CDH6: variants seen among roughly 807,000 people sequenced by gnomAD.
CDH6 encodes cadherin 6.
Under a neutral mutation model 78.0 loss-of-function variants are expected in CDH6, and 31 were observed. The observed-to-expected ratio is 0.40, with a 90% CI of 0.30 to 0.54. The LOEUF is 0.54. CDH6 is among the 20% of genes least tolerant of loss of function. The pLI is 0.56. For missense variants in CDH6, 724 were observed against 975.9 expected (o/e 0.74, Z 3.44); for synonymous variants, 376 against 368.8 (o/e 1.02, Z -0.23).
rs768647435 is a variant in CDH6 at position 31,323,578 on chromosome 5, C to T, written c.*270C>T. 1.3e-4 allele frequency: 55 copies of T among 434,712 alleles called. No individual in the cohort carries two copies. The highest frequency in any genetic ancestry group is 2.0e-4 in the Non-Finnish European group (49 of 240,776). 26.9% of individuals were successfully genotyped at this position (434,712 alleles called of 1,614,324 possible). A position where few individuals can be genotyped will look rare whatever the true frequency, so the allele number is the denominator to read the frequency against. ...GGGAGGACAGGGAACAGTATTTCCA[C>T]TTGTTCTCAGGGCAGCGTGCCCGCT... On this transcript the variant is annotated 3_prime_UTR_variant, in exon 12 of 12. Transcript: ENST00000265071.
At chr5:31,299,352 T>G in intron 4 of CDH6, 112 bp from the exon 5 acceptor site, 1 of 774,238 alleles carries the variant, frequency 1.3e-6, no homozygotes, top group South Asian at 1.9e-5. Flanking sequence ...CCATGACATC[T>G]GCATAGCATT....
chr5:31,321,330 G>A (rs532465478), intron 11 of CDH6, among the ~76,000 whole-genome samples: 118 of 152,248 alleles, frequency 7.8e-4, no homozygotes, highest in African/African-American at 2.8e-3. Flanking sequence ...CCACACACTT[G>A]AAAGTGGCAA....
intron 1 of CDH6, among the ~76,000 whole-genome samples, chr5:31,224,667 C>A (rs1359469139): frequency 6.6e-6 from 1 of 152,140 alleles, no homozygotes; most frequent in Non-Finnish European, 1.5e-5. Flanking sequence ...GATCCTCCCA[C>A]CTCAGCCTCC....
At chr5:31,304,640 A>C (rs1479236890) in intron 6 of CDH6, among the ~76,000 whole-genome samples, 1 of 140,854 alleles carries the variant, frequency 7.1e-6, no homozygotes, top group African/African-American at 2.6e-5. Context: ...AGCCGAGATC[A>C]TGCCAATGCA....
intron 2 of CDH6, among the ~76,000 whole-genome samples, chr5:31,278,653 CA>C (rs1397708789): frequency 2.6e-5 from 4 of 152,088 alleles, no homozygotes; most frequent in Non-Finnish European, 1.5e-5. Flanking sequence ...TTGTTGATTG[CA>C]ACCATTCACA....
At chr5:31,306,653 C>T (rs554519588) in intron 7 of CDH6, among the ~76,000 whole-genome samples, 52 of 152,218 alleles carry the variant, frequency 3.4e-4, no homozygotes, top group Non-Finnish European at 6.0e-4. Context: ...GAAACTCTTG[C>T]CAATGAGTTC....
chr5:31,254,766 G>A lies in CDH6; in HGVS notation c.-128-12580G>A, dbSNP rs112180741. On this transcript the variant is annotated intron_variant, in intron 1 of 11. Coordinates refer to ENST00000265071, the MANE Select transcript of CDH6 (RefSeq NM_004932.4). ...AACTTATTTTTGATATTTTTTCTTC[G>A]GATTTTTTCATAAAGCTACAGAGAT... Among the ~76,000 whole-genome samples, 327 of 152,042 alleles carry A rather than the reference G, an allele frequency of 2.2e-3. 2 individuals carry two copies. Among genetic ancestry groups the A allele is most frequent in the African/African-American group, 7.0e-3 (292 of 41,448 alleles).
chr5:31,202,878 A>G (rs1212959961), intron 1 of CDH6, among the ~76,000 whole-genome samples: 1 of 151,840 alleles, frequency 6.6e-6, no homozygotes, highest in East Asian at 1.9e-4. Flanking sequence ...GCAACTGCTC[A>G]GTTTTGTACT....
chr5:31,262,485 A>G (rs1191747832), intron 1 of CDH6, among the ~76,000 whole-genome samples: 1 of 152,244 alleles, frequency 6.6e-6, no homozygotes, highest in Non-Finnish European at 1.5e-5. Flanking sequence ...CAAAAAGAAA[A>G]GAAGAGACAT....
chr5:31,226,120 G>C (rs181448987), intron 1 of CDH6, among the ~76,000 whole-genome samples: 2 of 152,216 alleles, frequency 1.3e-5, no homozygotes, highest in African/African-American at 4.8e-5. Flanking sequence ...GGTTTGAGAA[G>C]ACATGTTCTC....
At chr5:31,195,534 T>C (rs1436901810) in intron 1 of CDH6, among the ~76,000 whole-genome samples, 1 of 152,200 alleles carries the variant, frequency 6.6e-6, no homozygotes, top group Non-Finnish European at 1.5e-5. Context: ...TTGAGCATCA[T>C]CCCGTGTGTA....
intron 4 of CDH6, among the ~76,000 whole-genome samples, chr5:31,298,688 T>C (rs1265830772): frequency 6.6e-6 from 1 of 152,208 alleles, no homozygotes; most frequent in Admixed American, 6.5e-5. Flanking sequence ...GCATAAACCT[T>C]ACATAGAAAT....
At chr5:31,209,292 T>TC (rs1740626455) in intron 1 of CDH6, among the ~76,000 whole-genome samples, 1 of 151,940 alleles carries the variant, frequency 6.6e-6, no homozygotes, top group African/African-American at 2.4e-5. Flanking sequence ...AACTACAGGC[T>TC]CAAAAAAATG....
At chr5:31,242,228 G>A (rs1741622628) in intron 1 of CDH6, among the ~76,000 whole-genome samples, 2 of 152,266 alleles carry the variant, frequency 1.3e-5, no homozygotes, top group Middle Eastern at 3.4e-3. Context: ...ATTTACAAGT[G>A]AGATTTACAT....
intron 4 of CDH6, 98 bp from the exon 5 acceptor site, chr5:31,299,366 C>T: frequency 2.2e-6 from 2 of 897,636 alleles, no homozygotes; most frequent in Non-Finnish European, 1.7e-6. Flanking sequence ...TAGCATTTTG[C>T]ATATTGTGGG....
Position 31,231,936 on chromosome 5 carries a change from T to A in CDH6, c.-128-35410T>A, listed in dbSNP as rs117597288. ...AGAAGAAAAATATTCACTTAAGGAG[T>A]AGAGTAAGCCTACTATAATTATGTT... On this transcript the variant is annotated intron_variant, in intron 1 of 11. Coordinates refer to ENST00000265071, the MANE Select transcript of CDH6 (RefSeq NM_004932.4). 2.0e-5 allele frequency among the ~76,000 whole-genome samples: 3 copies of A among 152,266 alleles called. No individual in the cohort carries two copies. In the East Asian group the frequency reaches 5.8e-4, roughly 29 times the overall value.
chr5:31,213,606 C>CT (rs1740779574), intron 1 of CDH6, among the ~76,000 whole-genome samples: 1 of 152,114 alleles, frequency 6.6e-6, no homozygotes, highest in African/African-American at 2.4e-5. Context: ...TCTAAAAGTC[C>CT]TTTTTTTAAA....
chr5:31,217,238 T>C (rs1425339395), intron 1 of CDH6, among the ~76,000 whole-genome samples: 2 of 152,216 alleles, frequency 1.3e-5, no homozygotes, highest in Non-Finnish European at 2.9e-5. Context: ...CTTTCAAATA[T>C]AGTGGTTTTC....
At chr5:31,212,415 G>A (rs890992669) in intron 1 of CDH6, among the ~76,000 whole-genome samples, 2 of 152,016 alleles carry the variant, frequency 1.3e-5, no homozygotes, top group African/African-American at 2.4e-5. Flanking sequence ...ATGTGCCACC[G>A]GGGCTAATAT....
Sources: allele counts gnomAD v4.1 joint callset (sites outside exome capture counted in the v4.1 genomes callset), GRCh38; gene constraint gnomAD v4.1.1; transcripts MANE v1.5; gene names NCBI Gene and HGNC (gene_info 2026-07-23, HGNC 2026-07-21).